SLC12A6: variants seen among roughly 807,000 people sequenced by gnomAD.
SLC12A6 encodes the protein K-Cl cotransporter 3.
Under a neutral mutation model 135.3 loss-of-function variants are expected in SLC12A6, and 66 were observed. The ratio of observed to expected loss-of-function variants is 0.49; its 90% CI spans 0.40 to 0.60. The LOEUF is 0.60. Ranked by LOEUF, SLC12A6 falls within the 20% of genes least tolerant of loss-of-function variation. The pLI, the probability that SLC12A6 is intolerant of heterozygous loss-of-function variation, is 0.00. For synonymous variants in SLC12A6, 513 were observed against 508.8 expected (o/e 1.01, Z -0.11); for missense variants, 1,058 against 1,452.3 (o/e 0.73, Z 4.41).
chr15:34,253,526 T>G (rs1408409731), intron 9 of SLC12A6, among the ~76,000 whole-genome samples: 1 of 152,238 alleles, frequency 6.6e-6, no homozygotes, highest in African/African-American at 2.4e-5. Flanking sequence ...AAATACTGAA[T>G]GGGGAGTCAG....
At chr15:34,245,441 G>T in intron 14 of SLC12A6, 38 bp from the exon 15 acceptor site, 2 of 1,171,036 alleles carry the variant, frequency 1.7e-6, no homozygotes, top group Non-Finnish European at 2.6e-6. Context: ...CAGGAGTACT[G>T]AGTCATTGCT....
rs11343354 is a variant in SLC12A6, at chr15:34,271,374, C to CT, written c.316+3970dup. On this transcript the variant is annotated intron_variant, in intron 3 of 25. Transcript: ENST00000354181. ...TGTTCCTAAGTAAGGTTGGCCTATA[C>CT]TTTTTTTTTTTTTTAATCTCATGTT... 8.1e-3 allele frequency among the ~76,000 whole-genome samples: 1,176 copies of CT among 144,450 alleles called. 5 individuals are homozygous for CT. The highest frequency in any genetic ancestry group is 0.012 in the Non-Finnish European group (803 of 65,482). The allele number at this position is 144,450 out of a possible 152,430, so 94.8% of individuals were successfully genotyped here.
chr15:34,303,729 G>A (rs1473218634), intron 2 of SLC12A6, among the ~76,000 whole-genome samples: 4 of 152,204 alleles, frequency 2.6e-5, no homozygotes, highest in African/African-American at 9.6e-5. Context: ...ACAAAATAGG[G>A]AGTTTGGTCC....
intron 2 of SLC12A6, among the ~76,000 whole-genome samples, chr15:34,326,265 A>G (rs971060147): frequency 6.6e-6 from 1 of 152,206 alleles, no homozygotes; most frequent in African/African-American, 2.4e-5. Flanking sequence ...AGCTATGAAG[A>G]CAGACATTCA....
chr15:34,254,413 G>T lies in SLC12A6; in HGVS notation c.1053C>A (p.Val351=). ...NKFASLFLAC[V]IVSILAIYAG... ...CATAGATGGCCAAGATGGACACAAT[G>T]ACACAGGCCAGGAAAAGTGAGGCAA... The change falls in exon 9 of 26, where the codon GTC becomes GTA. Residue 351 remains valine, a synonymous_variant. Transcript: ENST00000354181. 2 of 1,613,178 alleles carry T rather than the reference G, an allele frequency of 1.2e-6. No homozygotes were observed. Among genetic ancestry groups the T allele is most frequent in the Non-Finnish European group, 1.7e-6 (2 of 1,179,108 alleles).
At chr15:34,262,478 C>A (rs1292866607) in intron 3 of SLC12A6, among the ~76,000 whole-genome samples, 6 of 152,138 alleles carry the variant, frequency 3.9e-5, no homozygotes, top group Admixed American at 6.6e-5. Flanking sequence ...TCAGGACCCA[C>A]CAAACACAGG....
chr15:34,326,483 G>C (rs1049137424), intron 2 of SLC12A6, among the ~76,000 whole-genome samples: 3 of 152,164 alleles, frequency 2.0e-5, no homozygotes, highest in South Asian at 4.1e-4. Flanking sequence ...AAATTTTTTA[G>C]ATCTATTGAG....
intron 2 of SLC12A6, 23 bp downstream of exon 2, chr15:34,336,387 C>T (rs1415322201): frequency 1.3e-6 from 2 of 1,595,066 alleles, no homozygotes; most frequent in Non-Finnish European, 1.7e-6. Context: ...TGAAAGTATG[C>T]TGCGGTCTGT....
At chr15:34,249,398 A>G (rs1166042127) in intron 13 of SLC12A6, among the ~76,000 whole-genome samples, 45 of 151,964 alleles carry the variant, frequency 3.0e-4, no homozygotes, top group Admixed American at 3.0e-3. Flanking sequence ...CATCTTTACA[A>G]AAAAAATTAA....
intron 13 of SLC12A6, among the ~76,000 whole-genome samples, chr15:34,247,345 A>G (rs971967595): frequency 6.6e-6 from 1 of 151,808 alleles, no homozygotes; most frequent in African/African-American, 2.4e-5. Context: ...GTGAAACCCC[A>G]TCTCTACTAA....
intron 2 of SLC12A6, among the ~76,000 whole-genome samples, chr15:34,276,382 A>G (rs181079454): frequency 6.6e-6 from 1 of 152,340 alleles, no homozygotes; most frequent in East Asian, 1.9e-4. Context: ...GCTTTCATAA[A>G]TATCAATTTC....
chr15:34,304,176 G>A (rs564633307), intron 2 of SLC12A6, among the ~76,000 whole-genome samples: 3 of 152,186 alleles, frequency 2.0e-5, no homozygotes, highest in African/African-American at 7.2e-5. Context: ...TACAGTATGT[G>A]TTTGGGGTTT....
chr15:34,309,379 T>C (rs1046063127), intron 2 of SLC12A6, among the ~76,000 whole-genome samples: 4 of 152,364 alleles, frequency 2.6e-5, no homozygotes, highest in African/African-American at 9.6e-5. Context: ...CTATAGAATT[T>C]AAAAATTAAG....
intron 2 of SLC12A6, among the ~76,000 whole-genome samples, chr15:34,334,332 A>G (rs1375989013): frequency 1.3e-5 from 2 of 152,230 alleles, no homozygotes; most frequent in Non-Finnish European, 2.9e-5. Flanking sequence ...AGTCAACTGT[A>G]GAAAGGATGC....
intron 2 of SLC12A6, among the ~76,000 whole-genome samples, chr15:34,276,264 A>G (rs1894291395): frequency 6.6e-6 from 1 of 152,200 alleles, no homozygotes; most frequent in African/African-American, 2.4e-5. Flanking sequence ...TTAATGACAA[A>G]AAATACTTAT....
At chr15:34,279,470 G>A (rs945569923) in intron 2 of SLC12A6, among the ~76,000 whole-genome samples, 2 of 152,122 alleles carry the variant, frequency 1.3e-5, no homozygotes, top group African/African-American at 2.4e-5. Context: ...CTTGAAGGGC[G>A]TTTCTGGGTT....
chr15:34,333,933 G>A (rs1462250421), intron 2 of SLC12A6, among the ~76,000 whole-genome samples: 2 of 151,916 alleles, frequency 1.3e-5, no homozygotes, highest in East Asian at 3.9e-4. Context: ...AGCCAGGTGT[G>A]GTGGTGCATG....
rs1057524323 is a variant in SLC12A6 at position 34,255,254 on chromosome 15, T to C, written c.876+8A>G. On this transcript the variant is annotated splice_region_variant and intron_variant, in intron 8 of 25. Transcript: ENST00000354181. The stretch of plus-strand genomic sequence containing the variant: ...TATATTATAGACCACAATGAAGTCA[T>C]TACTTACCAGAAAGATTTCAATGGC... The C allele has an allele frequency of 1.9e-6, 3 of 1,593,230 alleles. No individual in the cohort carries two copies. The highest frequency in any genetic ancestry group is 2.6e-6 in the Non-Finnish European group (3 of 1,160,922).
At chr15:34,245,949 T>C (rs748877762) in intron 13 of SLC12A6, 82 bp from the exon 14 acceptor site, 241 of 1,103,638 alleles carry the variant, frequency 2.2e-4, no homozygotes, top group Non-Finnish European at 3.1e-4. Context: ...CAATTTTTTT[T>C]TGAGACAGAA....
Sources: gnomAD v4.1 joint callset for allele counts (sites outside exome capture counted in the v4.1 genomes callset) on GRCh38, gnomAD v4.1.1 for gene constraint, MANE v1.5 for transcripts, NCBI Gene and HGNC (gene_info 2026-07-23, HGNC 2026-07-21) for gene names.